Variants in STK32C observed in about 807,000 individuals in gnomAD.
STK32C encodes serine/threonine-protein kinase 32C.
STK32C carries 31 observed loss-of-function variants against 56.5 expected under a neutral mutation model. The ratio of observed to expected loss-of-function variants is 0.55; its 90% CI spans 0.41 to 0.74. The LOEUF (loss-of-function observed/expected upper bound fraction) is 0.74. Ranked by LOEUF, STK32C falls within the 30% of genes least tolerant of loss-of-function variation. The pLI, the probability that STK32C is intolerant of heterozygous loss-of-function variation, is 0.00. For missense variants in STK32C, 544 were observed against 676.9 expected (o/e 0.80, Z 2.18); for synonymous variants, 309 against 289.4 (o/e 1.07, Z -0.69).
upstream of STK32C, among the ~76,000 whole-genome samples, chr10:132,312,852 C>A (rs1376795286): frequency 6.6e-6 from 1 of 152,084 alleles, no homozygotes; most frequent in African/African-American, 2.4e-5. Flanking sequence ...CCAGCCTGGC[C>A]AACATGGCAA....
At chr10:132,243,599 C>T (rs2063583426) in intron 2 of STK32C, among the ~76,000 whole-genome samples, 1 of 152,354 alleles carries the variant, frequency 6.6e-6, no homozygotes, top group East Asian at 1.9e-4. Flanking sequence ...TGCCTCAAAG[C>T]TGTCTTCAAA....
chr10:132,278,172 G>T (rs1167445189), intron 1 of STK32C, among the ~76,000 whole-genome samples: 2 of 151,980 alleles, frequency 1.3e-5, no homozygotes, highest in Non-Finnish European at 2.9e-5. Context: ...CACTCTGTGG[G>T]GTCAGGAAAG....
chr10:132,214,754 C>T (rs1258815159), intron 10 of STK32C, among the ~76,000 whole-genome samples: 1 of 152,144 alleles, frequency 6.6e-6, no homozygotes, highest in Non-Finnish European at 1.5e-5. Flanking sequence ...ACGAGAGGTG[C>T]CGTCACAAGG....
At chr10:132,329,378 A>C (rs2066586110) in intron 1 of STK32C, among the ~76,000 whole-genome samples, 2 of 152,190 alleles carry the variant, frequency 1.3e-5, no homozygotes, top group Non-Finnish European at 2.9e-5. Flanking sequence ...CACACCGCTG[A>C]ACTCCAGCCT....
At chr10:132,256,912 C>T (rs1308526938) in intron 1 of STK32C, among the ~76,000 whole-genome samples, 1 of 152,170 alleles carries the variant, frequency 6.6e-6, no homozygotes, top group Non-Finnish European at 1.5e-5. Context: ...AACCCTGAGG[C>T]AGGTGTGCCT....
chr10:132,248,936 C>T (rs1369300494), intron 1 of STK32C: 1 of 456,406 alleles, frequency 2.2e-6, no homozygotes, highest in African/African-American at 2.0e-5. Context: ...TTAGTCCCTC[C>T]CGGAGAGGAA....
At chr10:132,325,155 G>A (rs1184837067) in intron 1 of STK32C, among the ~76,000 whole-genome samples, 2 of 152,180 alleles carry the variant, frequency 1.3e-5, no homozygotes, top group Non-Finnish European at 2.9e-5. Context: ...CCCACATGTT[G>A]TGGGAGGGAC....
At chr10:132,272,739 C>T (rs1193073265) in intron 1 of STK32C, among the ~76,000 whole-genome samples, 3 of 152,214 alleles carry the variant, frequency 2.0e-5, no homozygotes, top group African/African-American at 4.8e-5. Context: ...CTGCAGGCGT[C>T]GTCCTTTTGA....
rs1208837309 is a variant in STK32C at position 132,331,812 on chromosome 10, C to A, written c.-76G>T. The A allele has an allele frequency of 1.9e-6, 3 of 1,579,544 alleles. No individual in the cohort carries two copies. In the African/African-American group the frequency reaches 4.0e-5, roughly 21 times the overall value. On this transcript the variant is annotated 5_prime_UTR_variant, in exon 1 of 2. Transcript: ENST00000368619. ...TCGCGGTCTCTACTTGCCCGTCGAC[C>A]ACCACCCCTTCAAGGCCGCGGGCGC...
intron 1 of STK32C, among the ~76,000 whole-genome samples, chr10:132,313,347 C>T (rs1423425517): frequency 2.0e-5 from 3 of 152,252 alleles, no homozygotes; most frequent in Non-Finnish European, 2.9e-5. Flanking sequence ...TTACCATCCA[C>T]ACAGAGGCAG....
chr10:132,212,964 T>A (rs1035410436), intron 10 of STK32C, among the ~76,000 whole-genome samples: 3 of 152,166 alleles, frequency 2.0e-5, no homozygotes, highest in African/African-American at 7.2e-5. Context: ...CCTGGGCAGC[T>A]CTGGGGAGCG....
In STK32C at chr10:132,285,891, G is replaced by A. The variant is rs145549927; in HGVS notation, c.262+21681C>T. On this transcript the variant is annotated intron_variant, in intron 1 of 11. Coordinates refer to ENST00000298630, the MANE Select transcript of STK32C (RefSeq NM_173575.4). ...AAGCCCAGCACTTTGGGAGGCCGAG[G>A]CGGGCAGATCATGAGGTCAGGAGAT... 6.2e-3 allele frequency among the ~76,000 whole-genome samples: 942 copies of A among 152,318 alleles called. 8 individuals are homozygous for A. The highest frequency in any genetic ancestry group is 0.021 in the African/African-American group (885 of 41,566).
intron 2 of STK32C, among the ~76,000 whole-genome samples, chr10:132,236,917 T>G (rs996127176): frequency 1.3e-5 from 2 of 152,148 alleles, no homozygotes; most frequent in Non-Finnish European, 2.9e-5. Flanking sequence ...CAAGTGCTTG[T>G]GGGCACCAGG....
At chr10:132,274,971 G>C (rs1213597946) in intron 1 of STK32C, among the ~76,000 whole-genome samples, 1 of 152,170 alleles carries the variant, frequency 6.6e-6, no homozygotes, top group East Asian at 1.9e-4. Flanking sequence ...TGACAGCCGG[G>C]ACAGGGACCG....
At chr10:132,331,140 G>A (rs1403900180) in intron 1 of STK32C, among the ~76,000 whole-genome samples, 8 of 146,266 alleles carry the variant, frequency 5.5e-5, no homozygotes, top group Non-Finnish European at 1.0e-4. Context: ...GGCGGAGGTC[G>A]CAGTGGGCCG....
intron 10 of STK32C, among the ~76,000 whole-genome samples, chr10:132,214,148 GGA>G (rs2062398266): frequency 1.6e-4 from 1 of 6,124 alleles, no homozygotes; most frequent in African/African-American, 3.6e-4. Flanking sequence ...CCAAACCACA[GGA>G]TCTAAGAAGC....
chr10:132,330,258 C>T (rs2066622549), intron 1 of STK32C: 1 of 565,844 alleles, frequency 1.8e-6, no homozygotes, highest in Non-Finnish European at 3.2e-6. Flanking sequence ...AAACCTGAGG[C>T]AACAATAACA....
At chr10:132,225,453 G>A in intron 6 of STK32C, 74 bp downstream of exon 6, 1 of 1,600,150 alleles carries the variant, frequency 6.2e-7, no homozygotes, top group East Asian at 2.2e-5. Flanking sequence ...GGGTGGGACA[G>A]AGAAGCCACC....
intron 1 of STK32C, among the ~76,000 whole-genome samples, chr10:132,257,528 G>A (rs773666381): frequency 2.0e-3 from 305 of 152,126 alleles, no homozygotes; most frequent in Non-Finnish European, 2.6e-3. Context: ...AGAGATGGGC[G>A]GGGCGGAGCT....
Sources: allele counts gnomAD v4.1 joint callset (sites outside exome capture counted in the v4.1 genomes callset), GRCh38; gene constraint gnomAD v4.1.1; transcripts MANE v1.5; gene names NCBI Gene and HGNC (gene_info 2026-07-23, HGNC 2026-07-21).